ASIC2: variants seen among roughly 807,000 people sequenced by gnomAD.
ASIC2 encodes the protein acid-sensing ion channel 2.
Under a neutral mutation model 57.3 loss-of-function variants are expected in ASIC2, and 25 were observed. The ratio of observed to expected loss-of-function variants is 0.44; its 90% CI spans 0.32 to 0.61. The LOEUF is 0.61. Ranked by LOEUF, ASIC2 falls within the 20% of genes least tolerant of loss-of-function variation. The pLI, the probability that ASIC2 is intolerant of heterozygous loss-of-function variation, is 0.06. For synonymous variants in ASIC2, 319 were observed against 307.5 expected (o/e 1.04, Z -0.39); for missense variants, 641 against 738.1 (o/e 0.87, Z 1.52).
chr17:33,818,454 A>G (rs1379838992), intron 1 of ASIC2, among the ~76,000 whole-genome samples: 1 of 152,190 alleles, frequency 6.6e-6, no homozygotes. Flanking sequence ...CAGGTCATAC[A>G]ATAGTGAGTT....
intron 1 of ASIC2, among the ~76,000 whole-genome samples, chr17:33,468,945 C>A (rs1412109307): frequency 1.3e-5 from 2 of 152,060 alleles, no homozygotes; most frequent in Admixed American, 6.5e-5. Flanking sequence ...GAATGCTGGG[C>A]ATATGCAACA....
Position 33,864,985 on chromosome 17 carries a change from G to C in ASIC2, c.555+290993C>G, listed in dbSNP as rs544943233. On this transcript the variant is annotated intron_variant, in intron 1 of 9. Coordinates refer to the ASIC2 transcript ENST00000359872. ...AATTGTGAGTCAATTGTAAACCAGA[G>C]GGTGGGGGGTTGAGGGGAGTGGAAT... 1.9e-3 allele frequency among the ~76,000 whole-genome samples: 296 copies of C among 152,284 alleles called. 5 individuals carry two copies. Among genetic ancestry groups the C allele is most frequent in the African/African-American group, 6.9e-3 (286 of 41,566 alleles).
At chr17:33,572,007 A>C (rs1375064569) in intron 1 of ASIC2, 1 of 152,224 alleles carries the variant, frequency 6.6e-6, no homozygotes, top group Non-Finnish European at 1.5e-5. Flanking sequence ...ACTGTGCTCT[A>C]CCTGTTCCTT....
At chr17:34,042,741 T>C (rs1160040276) in intron 1 of ASIC2, among the ~76,000 whole-genome samples, 1 of 152,238 alleles carries the variant, frequency 6.6e-6, no homozygotes, top group Non-Finnish European at 1.5e-5. Context: ...TAGTACTTTT[T>C]ATTGCTTTTT....
intron 1 of ASIC2, among the ~76,000 whole-genome samples, chr17:33,241,082 T>C (rs1326507037): frequency 1.3e-5 from 2 of 152,216 alleles, no homozygotes; most frequent in South Asian, 2.1e-4. Context: ...CCAGGCAGCA[T>C]GAAAGCAGCG....
chr17:33,057,275 T>C (rs1350075693), intron 3 of ASIC2, among the ~76,000 whole-genome samples: 2 of 152,300 alleles, frequency 1.3e-5, no homozygotes, highest in Admixed American at 1.3e-4. Context: ...TTGGAGTACT[T>C]CATTCTATAC....
rs200452478 is a variant in ASIC2 at position 33,014,013 on chromosome 17, G to A, written c.1644C>T (p.Asn548=). 3.2e-5 allele frequency: 52 copies of A among 1,605,472 alleles called. No individual in the cohort carries two copies. The highest frequency in any genetic ancestry group is 1.0e-4 in the Admixed American group (6 of 59,126). The change falls in exon 10 of 10, where the codon AAC becomes AAT. Residue 548 remains asparagine (N), a synonymous_variant. Transcript: ENST00000225823. ...NHSETISHTV[N]VPLQTTLGTL... is the part of the protein sequence containing the mutation. The stretch of plus-strand genomic sequence containing the variant: ...TCCCCAGGGTCGTCTGCAGGGGCAC[G>A]TTCACAGTGTGACTGATGGTTTCAG...
chr17:33,341,193 A>G (rs890336262), intron 1 of ASIC2, among the ~76,000 whole-genome samples: 2 of 152,192 alleles, frequency 1.3e-5, no homozygotes, highest in Non-Finnish European at 2.9e-5. Flanking sequence ...TCACATTCCC[A>G]GACCCCATCT....
At chr17:33,691,879 G>C (rs753389834) in intron 1 of ASIC2, among the ~76,000 whole-genome samples, 1 of 152,012 alleles carries the variant, frequency 6.6e-6, no homozygotes, top group Non-Finnish European at 1.5e-5. Context: ...TAACAACAGG[G>C]ATACATTCTG....
At chr17:33,112,981 G>T (rs538349497) in intron 1 of ASIC2, among the ~76,000 whole-genome samples, 2 of 152,076 alleles carry the variant, frequency 1.3e-5, no homozygotes, top group African/African-American at 4.8e-5. Context: ...GCTGCTTCCC[G>T]CCTGAGTCCA....
intron 1 of ASIC2, among the ~76,000 whole-genome samples, chr17:33,801,211 G>T (rs1401062244): frequency 1.3e-5 from 2 of 152,204 alleles, no homozygotes; most frequent in Non-Finnish European, 2.9e-5. Context: ...TGGGAGAAAG[G>T]AGAGGAAGGA....
At chr17:33,409,858 T>C (rs974428392) in intron 1 of ASIC2, among the ~76,000 whole-genome samples, 13 of 152,210 alleles carry the variant, frequency 8.5e-5, no homozygotes, top group African/African-American at 2.9e-4. Context: ...TTTTGTTCTA[T>C]TCTAGCACTG....
At chr17:33,936,796 A>G (rs1399904977) in intron 1 of ASIC2, 1 of 152,212 alleles carries the variant, frequency 6.6e-6, no homozygotes, top group East Asian at 1.9e-4. Flanking sequence ...GATCACGTCT[A>G]TATCGATCAC....
intron 1 of ASIC2, among the ~76,000 whole-genome samples, chr17:33,535,274 C>CTT (rs1312834562): frequency 5.1e-5 from 7 of 138,552 alleles, no homozygotes; most frequent in African/African-American, 1.6e-4. Context: ...AATGTCGCTT[C>CTT]TTTTTTTTTT....
At chr17:33,563,841 C>T (rs1201064526) in intron 1 of ASIC2, among the ~76,000 whole-genome samples, 1 of 152,186 alleles carries the variant, frequency 6.6e-6, no homozygotes, top group Non-Finnish European at 1.5e-5. Context: ...CCAGGTTTCT[C>T]CTGGCCACCT....
chr17:33,986,201 A>C (rs1905811794), intron 1 of ASIC2, among the ~76,000 whole-genome samples: 1 of 151,442 alleles, frequency 6.6e-6, no homozygotes, highest in South Asian at 2.1e-4. Context: ...TGAGAACAGG[A>C]ATCTGGTTTT....
chr17:33,872,399 T>A (rs1459266687), intron 1 of ASIC2, among the ~76,000 whole-genome samples: 1 of 152,170 alleles, frequency 6.6e-6, no homozygotes, highest in Non-Finnish European at 1.5e-5. Context: ...ATTGGCTCAA[T>A]CATTCAGTCA....
intron 1 of ASIC2, among the ~76,000 whole-genome samples, chr17:33,440,280 G>A (rs537141537): frequency 2.6e-5 from 4 of 152,264 alleles, no homozygotes; most frequent in East Asian, 1.9e-4. Context: ...TGACGTTTTC[G>A]AGGTTGGATG....
rs191922605 is a variant in ASIC2 at position 34,081,854 on chromosome 17, G to T, written c.555+74124C>A. ...ATATAAATTGGAGATAATAGTTTCA[G>T]AGTAGTAGTAAGTATTAGAGATAAT... On this transcript the variant is annotated intron_variant, in intron 1 of 9. Coordinates refer to the ASIC2 transcript ENST00000359872. Among the ~76,000 whole-genome samples, 6 of 152,250 alleles carry T rather than the reference G, an allele frequency of 3.9e-5. No homozygotes were observed. In the East Asian group the frequency reaches 7.7e-4, roughly 20 times the overall value.
Sources: allele counts gnomAD v4.1 joint callset (sites outside exome capture counted in the v4.1 genomes callset), GRCh38; gene constraint gnomAD v4.1.1; transcripts MANE v1.5; gene names NCBI Gene and HGNC (gene_info 2026-07-23, HGNC 2026-07-21).